Variants in ANO4 observed in about 807,000 individuals in gnomAD.
ANO4 encodes the protein anoctamin-4.
ANO4 carries 69 observed loss-of-function variants against 141.9 expected under a neutral mutation model. The observed-to-expected ratio is 0.49, with a 90% CI of 0.40 to 0.59. The LOEUF is 0.59. ANO4 is among the 20% of genes least tolerant of loss of function. The pLI is 0.00. For missense variants in ANO4, 894 were observed against 1,162.2 expected (o/e 0.77, Z 3.36); for synonymous variants, 350 against 394.3 (o/e 0.89, Z 1.33).
intron 1 of ANO4, among the ~76,000 whole-genome samples, chr12:100,844,345 T>C (rs765450724): frequency 1.3e-5 from 2 of 151,964 alleles, no homozygotes; most frequent in Admixed American, 1.3e-4. Context: ...AGAAGCCATT[T>C]AGAGGTTGCA....
chr12:100,994,058 A>G (rs540950952), intron 8 of ANO4, among the ~76,000 whole-genome samples: 13 of 152,310 alleles, frequency 8.5e-5, no homozygotes, highest in Middle Eastern at 6.8e-3. Flanking sequence ...ACTAGATGCT[A>G]GTAGCATTCC....
chr12:100,895,602 C>A (rs537255802), intron 1 of ANO4, among the ~76,000 whole-genome samples: 1 of 140,770 alleles, frequency 7.1e-6, no homozygotes, highest in Non-Finnish European at 1.5e-5. Context: ...CTCTTTGTTG[C>A]CCAGGCTGGA....
At chr12:100,795,238 G>T (rs1329439636) in intron 1 of ANO4, among the ~76,000 whole-genome samples, 1 of 150,996 alleles carries the variant, frequency 6.6e-6, no homozygotes, top group Non-Finnish European at 1.5e-5. Context: ...GAGCTCTTCT[G>T]CTGTGATACG....
At chr12:101,043,496 T>C (rs2047493837) in intron 12 of ANO4, 43 bp from the exon 13 acceptor site, 1 of 1,468,800 alleles carries the variant, frequency 6.8e-7, no homozygotes, top group African/African-American at 1.4e-5. Flanking sequence ...GAAAAAAATG[T>C]TCCATGTCAT....
intron 5 of ANO4, among the ~76,000 whole-genome samples, chr12:100,952,710 G>C (rs1659958815): frequency 6.6e-6 from 1 of 152,130 alleles, no homozygotes; most frequent in South Asian, 2.1e-4. Flanking sequence ...ATGATGGTTT[G>C]AGAGAAGGTG....
chr12:101,042,697 GC>G (rs1434701732), intron 12 of ANO4, among the ~76,000 whole-genome samples: 1 of 152,158 alleles, frequency 6.6e-6, no homozygotes, highest in East Asian at 1.9e-4. Context: ...AGACATACAA[GC>G]CACTATATAT....
At chr12:100,790,343 G>T (rs1358789738), upstream of ANO4, among the ~76,000 whole-genome samples, 1 of 152,166 alleles carries the variant, frequency 6.6e-6, no homozygotes, top group East Asian at 1.9e-4. Context: ...ATTTTAGAAA[G>T]AAAATTCTAA....
intron 1 of ANO4, among the ~76,000 whole-genome samples, chr12:100,805,244 A>G (rs1371700152): frequency 6.6e-6 from 1 of 152,102 alleles, no homozygotes; most frequent in African/African-American, 2.4e-5. Flanking sequence ...GGTTTTTTCA[A>G]AGATCAGGTG....
At position 100,947,455 on chromosome 12, in the gene ANO4, C is replaced by G. The variant is rs902948753; in HGVS notation, c.456+4920C>G. The stretch of plus-strand genomic sequence containing the variant: ...TCACTTTGCTTCTAAGACCCCATAC[C>G]TTCTCAGTCCCACTCAAATACATTG... On this transcript the variant is annotated intron_variant, in intron 5 of 27. Transcript: ENST00000392977. Among the ~76,000 whole-genome samples the G allele has an allele frequency of 5.9e-5, 9 of 152,262 alleles. 1 individual carries two copies. The highest frequency in any genetic ancestry group is 1.3e-4 in the Admixed American group (2 of 15,294).
Position 100,883,212 on chromosome 12 carries a change from A to G in ANO4, c.-140-18434A>G, listed in dbSNP as rs1272716548. Among the ~76,000 whole-genome samples the G allele has an allele frequency of 2.0e-5, 3 of 152,258 alleles. No homozygotes were observed. The East Asian group carries it at 5.8e-4, about 29-fold the overall frequency. On this transcript the variant is annotated intron_variant, in intron 1 of 27. Coordinates refer to ENST00000392977, the MANE Select transcript of ANO4 (RefSeq NM_001286615.2). ...CCGTAAAACATTTGAGAGAGAGTTT[A>G]CTTCAGTAGCTCCAATTATCTGAGC... is the stretch of plus-strand genomic sequence containing the variant.
At chr12:101,104,115 C>T (rs184819667) in intron 22 of ANO4, among the ~76,000 whole-genome samples, 1 of 151,632 alleles carries the variant, frequency 6.6e-6, no homozygotes, top group African/African-American at 2.4e-5. Context: ...ATAGTTTGTG[C>T]TTTTCTCCCT....
At chr12:100,874,303 C>A (rs1199397059) in intron 1 of ANO4, among the ~76,000 whole-genome samples, 1 of 152,154 alleles carries the variant, frequency 6.6e-6, no homozygotes, top group Non-Finnish European at 1.5e-5. Context: ...TCCTCTGGAA[C>A]CCAGAATGGT....
intron 1 of ANO4, among the ~76,000 whole-genome samples, chr12:100,892,958 A>G (rs1284917069): frequency 1.3e-5 from 2 of 152,078 alleles, no homozygotes; most frequent in Non-Finnish European, 2.9e-5. Context: ...ACTGTGAGCT[A>G]GGCATTGTGA....
chr12:100,924,524 T>A (rs1331994617), intron 3 of ANO4, among the ~76,000 whole-genome samples: 1 of 152,116 alleles, frequency 6.6e-6, no homozygotes, highest in Non-Finnish European at 1.5e-5. Context: ...AAAAGAAATG[T>A]TTTTAGCAGA....
intron 7 of ANO4, among the ~76,000 whole-genome samples, chr12:100,983,627 G>A (rs2044580937): frequency 6.6e-6 from 1 of 152,136 alleles, no homozygotes; most frequent in Admixed American, 6.6e-5. Context: ...TGCATTCCTT[G>A]CCTCCTAGCT....
intron 1 of ANO4, among the ~76,000 whole-genome samples, chr12:100,865,375 A>G (rs1041763759): frequency 3.3e-5 from 5 of 152,208 alleles, no homozygotes; most frequent in African/African-American, 7.2e-5. Context: ...TGAGCAGGCA[A>G]CCTACAGAAT....
intron 3 of ANO4, among the ~76,000 whole-genome samples, chr12:100,745,914 G>A (rs557779484): frequency 6.6e-6 from 1 of 152,158 alleles, no homozygotes; most frequent in African/African-American, 2.4e-5. Flanking sequence ...TGAGAGAAAA[G>A]ACACATTACC....
intron 3 of ANO4, among the ~76,000 whole-genome samples, chr12:100,764,579 T>A (rs1485874777): frequency 6.6e-6 from 1 of 152,216 alleles, no homozygotes; most frequent in Non-Finnish European, 1.5e-5. Context: ...TTAACACATA[T>A]AATCAGCAAT....
At chr12:101,005,569 A>C (rs2045835013) in intron 8 of ANO4, among the ~76,000 whole-genome samples, 1 of 152,172 alleles carries the variant, frequency 6.6e-6, no homozygotes, top group Admixed American at 6.5e-5. Flanking sequence ...TGTAACTTGT[A>C]AGGTATGTGA....
Sources: allele counts gnomAD v4.1 joint callset (sites outside exome capture counted in the v4.1 genomes callset), GRCh38; gene constraint gnomAD v4.1.1; transcripts MANE v1.5; gene names NCBI Gene and HGNC (gene_info 2026-07-23, HGNC 2026-07-21).